The following IL1R1 variants were observed in gnomAD, a reference collection of about 807,000 sequenced individuals.
IL1R1 encodes the protein interleukin-1 receptor type 1.
Under a neutral mutation model 50.2 loss-of-function variants are expected in IL1R1, and 22 were observed. The ratio of observed to expected loss-of-function variants is 0.44; its 90% CI spans 0.31 to 0.63. The LOEUF is 0.63. Ranked by LOEUF, IL1R1 falls within the 20% of genes least tolerant of loss-of-function variation. The pLI is 0.07. For synonymous variants in IL1R1, 251 were observed against 236.7 expected, an observed-to-expected ratio of 1.06 and a Z score of -0.55; for missense variants, 509 against 676.2, an observed-to-expected ratio of 0.75 and a Z score of 2.74.
Position 102,165,358 on chromosome 2 carries a change from C to A in IL1R1, c.486+54C>A. 5 of 999,032 alleles carry A rather than the reference C, an allele frequency of 5.0e-6. No individual in the cohort carries two copies. In the East Asian group the frequency reaches 1.1e-4, roughly 21 times the overall value. The allele number at this position is 999,032 out of a possible 1,614,324, so 61.9% of individuals were successfully genotyped here. A position where few individuals can be genotyped will look rare whatever the true frequency, so the allele number is the denominator to read the frequency against. On this transcript the variant is annotated intron_variant, in intron 5 of 11. Transcript: ENST00000410023. ...CTTTTCCAGAAAATAAAATAGTTCCCTGGACAATAGAATGTATCTGCAAAG... is the reference window on the plus strand; with the variant it reads ...CTTTTCCAGAAAATAAAATAGTTCCATGGACAATAGAATGTATCTGCAAAG...
At chr2:102,151,295 C>A (rs1401233886) in intron 1 of IL1R1, among the ~76,000 whole-genome samples, 1 of 152,172 alleles carries the variant, frequency 6.6e-6, no homozygotes, top group Non-Finnish European at 1.5e-5. Flanking sequence ...TCTCCAGACC[C>A]CAGTGACGGT....
At chr2:102,118,929 A>C (rs1401623588) in intron 1 of IL1R1, among the ~76,000 whole-genome samples, 1 of 149,650 alleles carries the variant, frequency 6.7e-6, no homozygotes, top group Non-Finnish European at 1.5e-5. Context: ...GAGGCAGGAG[A>C]ATGGTATGAA....
upstream of IL1R1, among the ~76,000 whole-genome samples, chr2:102,139,908 G>A (rs1682549263): frequency 6.6e-6 from 1 of 152,098 alleles, no homozygotes. Flanking sequence ...TAGCAATGTA[G>A]GAATGGCCTA....
chr2:102,145,677 TG>T (rs1683056273), intron 1 of IL1R1, among the ~76,000 whole-genome samples: 1 of 152,192 alleles, frequency 6.6e-6, no homozygotes, highest in African/African-American at 2.4e-5. Context: ...GTGTAAACCC[TG>T]ATGACCTAGA....
At chr2:102,175,717 T>A (rs1233702989) in intron 11 of IL1R1, 72 bp downstream of exon 11, 35 of 1,435,588 alleles carry the variant, frequency 2.4e-5, no homozygotes, top group Non-Finnish European at 3.3e-5. Flanking sequence ...ATTCCATCTT[T>A]CTAGAAGATC....
chr2:102,110,964 A>G (rs144210350), intron 1 of IL1R1, among the ~76,000 whole-genome samples: 256 of 152,242 alleles, frequency 1.7e-3, no homozygotes, highest in African/African-American at 5.6e-3. Flanking sequence ...TGGAGTGATG[A>G]AGTCTGAGGC....
chr2:102,172,359 G>A (rs1685763221), intron 8 of IL1R1: 2 of 985,270 alleles, frequency 2.0e-6, no homozygotes, highest in Non-Finnish European at 2.4e-6. Flanking sequence ...CACCTGCAAA[G>A]CACTTTGTCA....
upstream of IL1R1, among the ~76,000 whole-genome samples, chr2:102,100,064 C>T (rs757489612): frequency 2.0e-5 from 3 of 152,132 alleles, no homozygotes; most frequent in African/African-American, 4.8e-5. Flanking sequence ...GGCTTGGCCT[C>T]GAGGCATTCT....
chr2:102,116,139 C>A (rs190990400), intron 1 of IL1R1, among the ~76,000 whole-genome samples: 1 of 152,204 alleles, frequency 6.6e-6, no homozygotes, highest in Non-Finnish European at 1.5e-5. Flanking sequence ...TGCACTGGGT[C>A]GAGATGGTTC....
intron 1 of IL1R1, among the ~76,000 whole-genome samples, chr2:102,120,490 T>A (rs1476441894): frequency 1.3e-5 from 2 of 152,202 alleles, no homozygotes. Context: ...AATTCCTGCC[T>A]CCATGAAGCT....
intron 1 of IL1R1, among the ~76,000 whole-genome samples, chr2:102,128,087 T>A (rs1022714299): frequency 1.3e-5 from 2 of 152,246 alleles, no homozygotes; most frequent in African/African-American, 4.8e-5. Flanking sequence ...ACTTGGTTAC[T>A]TTAGACTTGA....
At chr2:102,075,839 G>A (rs1678932794) in intron 1 of IL1R1, among the ~76,000 whole-genome samples, 2 of 152,176 alleles carry the variant, frequency 1.3e-5, no homozygotes, top group South Asian at 4.1e-4. Flanking sequence ...GCAAATGGGT[G>A]GCACAATTGG....
chr2:102,152,761 T>A (rs2104502010), intron 1 of IL1R1, among the ~76,000 whole-genome samples: 1 of 152,198 alleles, frequency 6.6e-6, no homozygotes, highest in Middle Eastern at 3.4e-3. Flanking sequence ...GGTCTCCCCT[T>A]TGAGTTTCTG....
chr2:102,103,151 A>T (rs1680220117), upstream of IL1R1, among the ~76,000 whole-genome samples: 1 of 152,030 alleles, frequency 6.6e-6, no homozygotes. Context: ...CTAAAATAAA[A>T]TTAAAAATAA....
intron 1 of IL1R1, among the ~76,000 whole-genome samples, chr2:102,077,069 CTTTT>C (rs1418178961): frequency 6.6e-6 from 1 of 151,654 alleles, no homozygotes. Flanking sequence ...TTCTTTCTTT[CTTTT>C]TATTTTATTT....
intron 1 of IL1R1, among the ~76,000 whole-genome samples, chr2:102,124,231 G>A (rs890280747): frequency 2.6e-5 from 4 of 152,128 alleles, no homozygotes; most frequent in African/African-American, 9.7e-5. Context: ...AGACCAGCCT[G>A]GGCAACATGG....
chr2:102,124,518 G>A (rs1681585603), intron 1 of IL1R1, among the ~76,000 whole-genome samples: 1 of 151,960 alleles, frequency 6.6e-6, no homozygotes, highest in South Asian at 2.1e-4. Flanking sequence ...GGCTGGGGAA[G>A]CCTCGGGAAA....
upstream of IL1R1, among the ~76,000 whole-genome samples, chr2:102,102,817 C>T (rs973566741): frequency 6.6e-6 from 1 of 152,098 alleles, no homozygotes; most frequent in Non-Finnish European, 1.5e-5. Context: ...ATTATGCAGC[C>T]ATGAAAAAGA....
intron 11 of IL1R1, 75 bp from the exon 12 acceptor site, chr2:102,176,278 T>C: frequency 1.5e-6 from 2 of 1,323,648 alleles, no homozygotes; most frequent in Non-Finnish European, 2.1e-6. Flanking sequence ...GTGAAAAGCC[T>C]TGTGTGGCTT....
Sources: allele counts gnomAD v4.1 joint callset (sites outside exome capture counted in the v4.1 genomes callset), GRCh38; gene constraint gnomAD v4.1.1; transcripts MANE v1.5; gene names NCBI Gene and HGNC (gene_info 2026-07-23, HGNC 2026-07-21).